SORCS2: variants seen among roughly 807,000 people sequenced by gnomAD.
SORCS2 encodes sortilin related VPS10 domain containing receptor 2.
A neutral mutation model predicts 141.6 loss-of-function variants in SORCS2; 100 were observed. That is an observed-to-expected ratio of 0.71 (90% CI 0.60 to 0.83). The LOEUF (loss-of-function observed/expected upper bound fraction) is 0.83. Ranked by LOEUF, SORCS2 falls within the 40% of genes least tolerant of loss-of-function variation. SORCS2 has a pLI of 0.00. For missense variants in SORCS2, 1,646 were observed against 1,560.2 expected (o/e 1.05, Z -0.93); for synonymous variants, 789 against 676.9 (o/e 1.17, Z -2.57).
At position 7,440,999 on chromosome 4, in the gene SORCS2, G is replaced by A. The variant is rs544307151; in HGVS notation, c.548+44644G>A. ...GAAGGGAGTTTCGTGGGGTGAGACC[G>A]TGGGGGAAGGTGGAGATTTGGGGAG... On this transcript the variant is annotated intron_variant, in intron 2 of 26. Coordinates refer to ENST00000507866, the MANE Select transcript of SORCS2 (RefSeq NM_020777.3). Among the ~76,000 whole-genome samples, 9 of 152,300 alleles carry A rather than the reference G, an allele frequency of 5.9e-5. No individual in the cohort carries two copies. In the South Asian group the frequency reaches 1.0e-3, roughly 18 times the overall value.
At chr4:7,724,905 T>TGGTGGTGGTGATGGC (rs1456555588) in intron 19 of SORCS2, among the ~76,000 whole-genome samples, 2 of 64,602 alleles carry the variant, frequency 3.1e-5, no homozygotes, top group African/African-American at 1.5e-4. Context: ...ATGGTGGTGA[T>TGGTGGTGGTGATGGC]AGTATTGGTG....
At chr4:7,287,331 C>T (rs1716293170) in intron 1 of SORCS2, among the ~76,000 whole-genome samples, 1 of 152,200 alleles carries the variant, frequency 6.6e-6, no homozygotes, top group South Asian at 2.1e-4. Flanking sequence ...GTACCCTGTC[C>T]CTCCTGGGTC....
intron 1 of SORCS2, among the ~76,000 whole-genome samples, chr4:7,389,498 TC>T (rs1343997830): frequency 1.3e-5 from 2 of 152,150 alleles, no homozygotes; most frequent in Non-Finnish European, 2.9e-5. Flanking sequence ...AGGAAAGACC[TC>T]ACCAGGAGTG....
At chr4:7,419,309 A>T (rs1725891047) in intron 2 of SORCS2, among the ~76,000 whole-genome samples, 1 of 152,144 alleles carries the variant, frequency 6.6e-6, no homozygotes, top group African/African-American at 2.4e-5. Flanking sequence ...CCAGGACTCC[A>T]TCTGGAGAAG....
chr4:7,403,904 G>T (rs35427927), intron 2 of SORCS2, among the ~76,000 whole-genome samples: 1 of 140,308 alleles, frequency 7.1e-6, no homozygotes, highest in South Asian at 2.3e-4. Context: ...CCACCCCCCC[G>T]TACCCCATCA....
intron 1 of SORCS2, among the ~76,000 whole-genome samples, chr4:7,242,352 G>A (rs1469058770): frequency 6.6e-6 from 1 of 151,870 alleles, no homozygotes; most frequent in African/African-American, 2.4e-5. Flanking sequence ...GCACCACCAC[G>A]CCTGGATGAT....
At chr4:7,605,018 G>A (rs1438532284) in intron 3 of SORCS2, among the ~76,000 whole-genome samples, 1 of 152,216 alleles carries the variant, frequency 6.6e-6, no homozygotes, top group African/African-American at 2.4e-5. Context: ...TCAAACCAGA[G>A]TGACTTAATC....
chr4:7,363,429 T>C lies in SORCS2; in HGVS notation c.481-32859T>C, dbSNP rs374195859. The stretch of plus-strand genomic sequence containing the variant: ...TGTCACCATAACTGTGCATCACCAT[T>C]ATCATCACCATCACCACCATTGTGG... On this transcript the variant is annotated intron_variant, in intron 1 of 26. Coordinates refer to ENST00000507866, the MANE Select transcript of SORCS2 (RefSeq NM_020777.3). 8.2e-3 allele frequency among the ~76,000 whole-genome samples: 1,158 copies of C among 140,572 alleles called. 33 individuals carry two copies. The highest frequency in any genetic ancestry group is 0.026 in the African/African-American group (887 of 34,648). The allele number at this position is 140,572 out of a possible 152,430, so 92.2% of individuals were successfully genotyped here.
At chr4:7,603,134 CAGAGGGAGACCATGGAGAGAGAGGG>C (rs1560419472) in intron 3 of SORCS2, among the ~76,000 whole-genome samples, 3 of 146,356 alleles carry the variant, frequency 2.0e-5, no homozygotes, top group South Asian at 2.1e-4. Context: ...CGCTCGGCAT[CAGAGGGAGACCATGGAGAGAGAGGG>C]AGAGGGAGAC....
chr4:7,691,731 G>A (rs1724268098), intron 11 of SORCS2, among the ~76,000 whole-genome samples: 1 of 151,986 alleles, frequency 6.6e-6, no homozygotes, highest in Non-Finnish European at 1.5e-5. Flanking sequence ...CTGTACACTT[G>A]GTTTCCCGGG....
chr4:7,689,607 A>G lies in SORCS2; in HGVS notation c.1591+19A>G. 6.4e-7 allele frequency: 1 copy of G among 1,561,194 alleles called. No individual in the cohort carries two copies. The highest frequency in any genetic ancestry group is 1.4e-5 in the African/African-American group (1 of 73,600). On this transcript the variant is annotated intron_variant, in intron 11 of 26. Transcript: ENST00000507866. ...GGTGCAGGTAGGTGGCTTCCATCAC[A>G]GGTGGCTGGCAGGTGCCATTACAGC...
intron 2 of SORCS2, among the ~76,000 whole-genome samples, chr4:7,485,170 A>G (rs959096486): frequency 6.6e-6 from 1 of 152,136 alleles, no homozygotes; most frequent in African/African-American, 2.4e-5. Context: ...CTTCCAGGAC[A>G]TCACAGCCCT....
At chr4:7,461,046 C>T (rs956498063) in intron 2 of SORCS2, among the ~76,000 whole-genome samples, 1 of 152,116 alleles carries the variant, frequency 6.6e-6, no homozygotes. Context: ...TGCAGGCAGA[C>T]CTGAAGCTTG....
chr4:7,422,557 C>G (rs1418194838), intron 2 of SORCS2, among the ~76,000 whole-genome samples: 1 of 152,134 alleles, frequency 6.6e-6, no homozygotes. Context: ...GGGGTGGTCC[C>G]AGGCCCCCTT....
chr4:7,623,675 G>C (rs1459495236), intron 3 of SORCS2, among the ~76,000 whole-genome samples: 1 of 152,050 alleles, frequency 6.6e-6, no homozygotes, highest in Non-Finnish European at 1.5e-5. Flanking sequence ...TGGTCACCTG[G>C]GCACCTCGCT....
At chr4:7,374,196 T>C (rs181205755) in intron 1 of SORCS2, among the ~76,000 whole-genome samples, 5 of 144,992 alleles carry the variant, frequency 3.4e-5, no homozygotes, top group African/African-American at 1.0e-4. Context: ...TCTTTCTTTC[T>C]TTTTTGCAGA....
At chr4:7,533,076 A>G (rs527664984) in intron 3 of SORCS2, among the ~76,000 whole-genome samples, 1 of 152,234 alleles carries the variant, frequency 6.6e-6, no homozygotes, top group South Asian at 2.1e-4. Context: ...ACAGCAGCCC[A>G]AAGAGGGAGG....
chr4:7,398,742 C>G (rs1217699002), intron 2 of SORCS2, among the ~76,000 whole-genome samples: 1 of 152,192 alleles, frequency 6.6e-6, no homozygotes, highest in East Asian at 1.9e-4. Context: ...GTCATCATTT[C>G]TTTTATGGCT....
At chr4:7,515,464 C>T (rs533742947) in intron 2 of SORCS2, among the ~76,000 whole-genome samples, 3 of 152,282 alleles carry the variant, frequency 2.0e-5, no homozygotes, top group South Asian at 4.1e-4. Context: ...CTTCTCAGAG[C>T]TGTAGCCTTG....
Sources: gnomAD v4.1 joint callset for allele counts (sites outside exome capture counted in the v4.1 genomes callset) on GRCh38, gnomAD v4.1.1 for gene constraint, MANE v1.5 for transcripts, NCBI Gene and HGNC (gene_info 2026-07-23, HGNC 2026-07-21) for gene names.